Variants in TEX11 observed in about 807,000 individuals in gnomAD.
TEX11 encodes the protein testis-expressed protein 11.
A neutral mutation model predicts 84.4 loss-of-function variants in TEX11; 7 were observed. That is an observed-to-expected ratio of 0.08 (90% CI 0.05 to 0.16). The LOEUF is 0.16. Among genes scored for constraint, TEX11 ranks in the 10% least tolerant of loss-of-function variants. The probability of loss-of-function intolerance (pLI) is 1.00; values close to 1 mark genes in which losing one functional copy is unlikely to be tolerated. For missense variants in TEX11, 551 were observed against 660.5 expected (o/e 0.83, Z 1.82); for synonymous variants, 264 against 222.8 (o/e 1.18, Z -1.64).
intron 9 of TEX11, among the ~76,000 whole-genome samples, chrX:70,779,908 G>A (rs1033661463): frequency 8.9e-6 from 1 of 111,811 alleles, no homozygotes; most frequent in Non-Finnish European, 1.9e-5. Context: ...GAAAAGCCAA[G>A]GACCTGATGG....
intron 2 of TEX11, among the ~76,000 whole-genome samples, chrX:70,887,104 G>A (rs1028997010): frequency 8.9e-6 from 1 of 111,887 alleles, no homozygotes; most frequent in Non-Finnish European, 1.9e-5. Context: ...TTAGTTAGCA[G>A]GTGATGAATC....
intron 3 of TEX11, among the ~76,000 whole-genome samples, chrX:70,877,501 CAT>C (rs1301579228): frequency 9.0e-6 from 1 of 111,292 alleles, no homozygotes; most frequent in Admixed American, 9.6e-5. Context: ...ACAGAATTGC[CAT>C]ATGATACAGC....
At chrX:70,880,236 G>A in intron 2 of TEX11, 127 bp from the exon 3 acceptor site, 1 of 387,273 alleles carries the variant, frequency 2.6e-6, no homozygotes, top group Non-Finnish European at 4.1e-6. Flanking sequence ...TTGATCCTTA[G>A]AGTAAAACCA....
intron 13 of TEX11, among the ~76,000 whole-genome samples, chrX:70,692,605 C>T (rs1427660881): frequency 9.1e-6 from 1 of 109,749 alleles, no homozygotes; most frequent in East Asian, 2.8e-4. Context: ...GTGGGATTTC[C>T]TTCTTTTTAA....
intron 2 of TEX11, among the ~76,000 whole-genome samples, chrX:70,898,543 C>G (rs1428408401): frequency 9.0e-6 from 1 of 111,368 alleles, no homozygotes; most frequent in African/African-American, 3.3e-5. Context: ...TTGGAAGACA[C>G]TGTATGGCAT....
At chrX:70,892,167 A>T (rs1315164407) in intron 2 of TEX11, among the ~76,000 whole-genome samples, 8 of 111,059 alleles carry the variant, frequency 7.2e-5, no homozygotes, top group African/African-American at 1.6e-4. Flanking sequence ...AATAAATAAA[A>T]ATAAATAAAA....
intron 16 of TEX11, among the ~76,000 whole-genome samples, chrX:70,656,113 G>GTATGTATA (rs1556009834): frequency 3.0e-5 from 3 of 101,383 alleles, no homozygotes; most frequent in Non-Finnish European, 6.0e-5. Context: ...AGGTAGCTGT[G>GTATGTATA]TATATATATA....
chrX:70,804,529 T>C (rs1423650322), intron 9 of TEX11, among the ~76,000 whole-genome samples: 1 of 112,183 alleles, frequency 8.9e-6, no homozygotes, highest in African/African-American at 3.2e-5. Flanking sequence ...AAGATTAAAA[T>C]CATATGTAAT....
downstream of TEX11, among the ~76,000 whole-genome samples, chrX:70,526,905 G>T (rs774599076): frequency 3.6e-5 from 4 of 111,618 alleles, no homozygotes; most frequent in East Asian, 1.1e-3. Context: ...AAGAATGATG[G>T]GGACATGTCA....
At chrX:70,864,420 G>A (rs1025215814) in intron 4 of TEX11, among the ~76,000 whole-genome samples, 4 of 110,796 alleles carry the variant, frequency 3.6e-5, no homozygotes, top group Non-Finnish European at 7.5e-5. Flanking sequence ...AGACAGTGGG[G>A]GCCAATATTC....
intron 5 of TEX11, among the ~76,000 whole-genome samples, chrX:70,860,016 T>G (rs1055709783): frequency 9.0e-6 from 1 of 111,472 alleles, no homozygotes; most frequent in African/African-American, 3.3e-5. Context: ...AAAATAAAAA[T>G]TATAAGGAAA....
chrX:70,634,236 G>T (rs1001792949), intron 17 of TEX11, among the ~76,000 whole-genome samples: 3 of 111,804 alleles, frequency 2.7e-5, no homozygotes. Context: ...ATAAATGGAG[G>T]TATGTAAGTT....
chrX:70,511,354 T>C, the TEX11 span, among the ~76,000 whole-genome samples: 3 of 112,551 alleles, frequency 2.7e-5, no homozygotes, highest in East Asian at 8.3e-4. Flanking sequence ...AAAACAGATA[T>C]GGCCTCTGCC....
At chrX:70,800,687 CTTTT>C (rs60458912) in intron 9 of TEX11, among the ~76,000 whole-genome samples, 2 of 62,308 alleles carry the variant, frequency 3.2e-5, no homozygotes, top group Non-Finnish European at 6.4e-5. Context: ...ATTTCATGTG[CTTTT>C]TTTTTTTTTT....
chrX:70,875,584 CAAA>C (rs34342977), intron 3 of TEX11, among the ~76,000 whole-genome samples: 1 of 60,074 alleles, frequency 1.7e-5, no homozygotes. Flanking sequence ...ACTAAAAATA[CAAA>C]AAAAAAAAAA....
chrX:70,667,330 T>C (rs1412854661), intron 16 of TEX11, among the ~76,000 whole-genome samples: 1 of 111,898 alleles, frequency 8.9e-6, no homozygotes, highest in African/African-American at 3.3e-5. Context: ...TAATATAACA[T>C]AATACTTATT....
chrX:70,869,132 A>ATAAAACAAAACAAAATAAAAT (rs2091617684), intron 4 of TEX11, among the ~76,000 whole-genome samples: 1 of 103,195 alleles, frequency 9.7e-6, no homozygotes, highest in Non-Finnish European at 2.0e-5. Flanking sequence ...TAAAATAAAG[A>ATAAAACAAAACAAAATAAAAT]AAAGAAAAAG....
chrX:70,809,752 A>G (rs2091241074), intron 8 of TEX11, among the ~76,000 whole-genome samples: 1 of 110,853 alleles, frequency 9.0e-6, no homozygotes, highest in Admixed American at 9.6e-5. Flanking sequence ...GCTGGAGTGC[A>G]GTGGTGCGTT....
intron 9 of TEX11, among the ~76,000 whole-genome samples, chrX:70,757,408 C>A (rs1223687128): frequency 1.8e-5 from 2 of 112,057 alleles, no homozygotes; most frequent in Non-Finnish European, 3.8e-5. Flanking sequence ...GCCCATCAGA[C>A]TAATAGCGGA....
Sources: gnomAD v4.1 joint callset for allele counts (sites outside exome capture counted in the v4.1 genomes callset) on GRCh38, gnomAD v4.1.1 for gene constraint, MANE v1.5 for transcripts, NCBI Gene and HGNC (gene_info 2026-07-23, HGNC 2026-07-21) for gene names.